Variants in ST3GAL6 observed in about 807,000 individuals in gnomAD.
The protein encoded by ST3GAL6 is type 2 lactosamine alpha-2,3-sialyltransferase.
In ST3GAL6, 31 loss-of-function variants were observed where a neutral mutation model predicts 40.5. That is an observed-to-expected ratio of 0.77 (90% CI 0.58 to 1.03). The LOEUF is 1.03. Among genes scored for constraint, ST3GAL6 ranks in the 50% least tolerant of loss-of-function variants. The pLI, the probability that ST3GAL6 is intolerant of heterozygous loss-of-function variation, is 0.00. For synonymous variants in ST3GAL6, 129 were observed against 136.9 expected (o/e 0.94, Z 0.40); for missense variants, 357 against 393.2 (o/e 0.91, Z 0.78).
intron 1 of ST3GAL6, among the ~76,000 whole-genome samples, chr3:98,743,035 G>T (rs1392407911): frequency 3.0e-5 from 4 of 133,920 alleles, no homozygotes; most frequent in Non-Finnish European, 6.2e-5. Context: ...CTGAGACAAG[G>T]TCTTGCTCTG....
At position 98,749,404 on chromosome 3, in the gene ST3GAL6, C is replaced by G. The variant is rs78586926; in HGVS notation, c.-12+16872C>G. Among the ~76,000 whole-genome samples, 943 of 152,244 alleles carry G rather than the reference C, an allele frequency of 6.2e-3. 11 individuals carry two copies. Among genetic ancestry groups the G allele is most frequent in the Non-Finnish European group, 9.7e-3 (662 of 68,016 alleles). ...ATATGTGTTGTCACATTTTCATTTG[C>G]TGTGGAGAGCAGGACAGTTTCAACA... On this transcript the variant is annotated intron_variant, in intron 1 of 9. Coordinates refer to the ST3GAL6 transcript ENST00000265261.
chr3:98,737,015 G>A (rs901367089), intron 1 of ST3GAL6, among the ~76,000 whole-genome samples: 1 of 152,118 alleles, frequency 6.6e-6, no homozygotes, highest in African/African-American at 2.4e-5. Context: ...GCCTAATTCA[G>A]TCTTCACCCA....
rs2107387096 is a variant in ST3GAL6, at chr3:98,793,961, GA to G, written c.*204del. 5.3e-6 allele frequency: 2 copies of G among 377,286 alleles called. No homozygotes were observed. Among genetic ancestry groups the G allele is most frequent in the East Asian group, 7.9e-5 (2 of 25,214 alleles). 23.4% of individuals were successfully genotyped at this position (377,286 alleles called of 1,614,324 possible). On this transcript the variant is annotated 3_prime_UTR_variant, in exon 10 of 10. Transcript: ENST00000483910. ...AAACCAAGAAATGTAAAGATAACAGGAAAATAAGTTTTGATTGCATTGTTTT... is the reference window on the plus strand; with the variant it reads ...AAACCAAGAAATGTAAAGATAACAGGAAATAAGTTTTGATTGCATTGTTTT...
chr3:98,788,258 T>G, intron 7 of ST3GAL6, 36 bp downstream of exon 7: 1 of 1,592,412 alleles, frequency 6.3e-7, no homozygotes. Flanking sequence ...TCAGATTACC[T>G]TTAGTGCTTT....
intron 5 of ST3GAL6, among the ~76,000 whole-genome samples, chr3:98,778,678 C>T (rs1025385572): frequency 5.9e-5 from 9 of 152,136 alleles, no homozygotes; most frequent in Non-Finnish European, 8.8e-5. Context: ...CTAAGTGATT[C>T]CCTTACTTCA....
intron 8 of ST3GAL6, among the ~76,000 whole-genome samples, chr3:98,790,421 A>C (rs758768160): frequency 6.6e-6 from 1 of 152,044 alleles, no homozygotes; most frequent in Non-Finnish European, 1.5e-5. Flanking sequence ...TGATGAAGCC[A>C]CTCTTTTGAC....
intron 1 of ST3GAL6, among the ~76,000 whole-genome samples, chr3:98,738,608 G>T (rs1193607532): frequency 6.6e-6 from 1 of 152,150 alleles, no homozygotes; most frequent in Non-Finnish European, 1.5e-5. Context: ...GTGTGAGAAT[G>T]AACTAATACA....
At chr3:98,737,859 A>G (rs2107260633) in intron 1 of ST3GAL6, among the ~76,000 whole-genome samples, 2 of 152,286 alleles carry the variant, frequency 1.3e-5, no homozygotes, top group South Asian at 4.1e-4. Context: ...GACAAAACAG[A>G]CTTTAAACCA....
At chr3:98,793,135 G>A (rs1941351282) in intron 9 of ST3GAL6, among the ~76,000 whole-genome samples, 1 of 152,100 alleles carries the variant, frequency 6.6e-6, no homozygotes, top group Non-Finnish European at 1.5e-5. Context: ...ACAGACTTTG[G>A]ATTAGGCTGA....
chr3:98,758,924 C>G (rs1937564754), upstream of ST3GAL6, among the ~76,000 whole-genome samples: 1 of 152,076 alleles, frequency 6.6e-6, no homozygotes, highest in Admixed American at 6.5e-5. Flanking sequence ...TATTTTACAG[C>G]CAAGGAAGCT....
At chr3:98,772,048 C>G (rs1417985518) in intron 3 of ST3GAL6, among the ~76,000 whole-genome samples, 3 of 152,136 alleles carry the variant, frequency 2.0e-5, no homozygotes, top group Non-Finnish European at 4.4e-5. Flanking sequence ...GGTTAAAATG[C>G]TACTCTAGAA....
chr3:98,785,111 G>C (rs776179694), intron 6 of ST3GAL6, 71 bp downstream of exon 6: 72 of 1,071,172 alleles, frequency 6.7e-5, no homozygotes, highest in Middle Eastern at 5.2e-4. Context: ...TAATACAGCT[G>C]TGTTTTGACA....
intron 2 of ST3GAL6, 59 bp downstream of exon 2, chr3:98,768,588 C>T: frequency 7.9e-7 from 1 of 1,263,980 alleles, no homozygotes; most frequent in Non-Finnish European, 1.2e-6. Context: ...CACAAATCCA[C>T]AAATTATAGT....
intron 1 of ST3GAL6, among the ~76,000 whole-genome samples, chr3:98,740,851 ATTGT>A (rs1172047498): frequency 6.6e-6 from 1 of 152,042 alleles, no homozygotes; most frequent in Non-Finnish European, 1.5e-5. Flanking sequence ...ACCCTTTCTG[ATTGT>A]TCTTATATAC....
chr3:98,750,815 A>G (rs1369550364), intron 1 of ST3GAL6, among the ~76,000 whole-genome samples: 1 of 152,140 alleles, frequency 6.6e-6, no homozygotes, highest in East Asian at 1.9e-4. Context: ...TCTTCCTAGT[A>G]CTGAGCTCAA....
chr3:98,735,066 T>C (rs1445689410), intron 1 of ST3GAL6, among the ~76,000 whole-genome samples: 3 of 152,208 alleles, frequency 2.0e-5, no homozygotes, highest in Non-Finnish European at 4.4e-5. Context: ...GAAGGAAGCA[T>C]GGAACTCCTA....
At chr3:98,763,644 A>G (rs1938019686) in intron 1 of ST3GAL6, among the ~76,000 whole-genome samples, 1 of 151,874 alleles carries the variant, frequency 6.6e-6, no homozygotes, top group Non-Finnish European at 1.5e-5. Flanking sequence ...AGTAGTAGAA[A>G]GAGTAGTATG....
At chr3:98,771,279 T>A in intron 3 of ST3GAL6, 1 of 658,384 alleles carries the variant, frequency 1.5e-6, no homozygotes, top group Non-Finnish European at 2.2e-6. Flanking sequence ...GCTCTCATGT[T>A]ATTTTCCACC....
chr3:98,739,975 T>C (rs541276106), intron 1 of ST3GAL6, among the ~76,000 whole-genome samples: 1 of 152,350 alleles, frequency 6.6e-6, no homozygotes, highest in Non-Finnish European at 1.5e-5. Flanking sequence ...AGTGATCTTG[T>C]GAGATAAAGG....
Sources: gnomAD v4.1 joint callset for allele counts (sites outside exome capture counted in the v4.1 genomes callset) on GRCh38, gnomAD v4.1.1 for gene constraint, MANE v1.5 for transcripts, NCBI Gene and HGNC (gene_info 2026-07-23, HGNC 2026-07-21) for gene names.